Variants in TPST1 observed in about 807,000 individuals in gnomAD.
TPST1 encodes tyrosylprotein sulfotransferase 1, also known as protein-tyrosine sulfotransferase 1.
A neutral mutation model predicts 34.8 loss-of-function variants in TPST1; 20 were observed. The observed-to-expected ratio is 0.57, with a 90% confidence interval of 0.40 to 0.84. The LOEUF is 0.84. Among genes scored for constraint, TPST1 ranks in the 40% least tolerant of loss-of-function variants. TPST1 has a pLI of 0.00. For synonymous variants in TPST1, 152 were observed against 159.4 expected (o/e 0.95, Z 0.35); for missense variants, 353 against 455.5 (o/e 0.78, Z 2.05).
chr7:66,293,662 C>T (rs942664106), intron 3 of TPST1, among the ~76,000 whole-genome samples: 4 of 152,286 alleles, frequency 2.6e-5, no homozygotes, highest in African/African-American at 7.2e-5. Flanking sequence ...GATTTATTCT[C>T]AGCCAATTAC....
intron 1 of TPST1, among the ~76,000 whole-genome samples, chr7:66,217,083 A>T (rs896189737): frequency 1.3e-5 from 2 of 152,164 alleles, no homozygotes; most frequent in Non-Finnish European, 2.9e-5. Flanking sequence ...TGGTTTAAAT[A>T]TATTGGGACT....
At chr7:66,294,943 C>T (rs973443856) in intron 3 of TPST1, among the ~76,000 whole-genome samples, 3 of 152,044 alleles carry the variant, frequency 2.0e-5, no homozygotes, top group African/African-American at 7.2e-5. Context: ...TAGAAGCCAC[C>T]TTAAATTCTT....
intron 2 of TPST1, among the ~76,000 whole-genome samples, chr7:66,255,740 CAA>C (rs1790370822): frequency 6.6e-6 from 1 of 151,968 alleles, no homozygotes; most frequent in African/African-American, 2.4e-5. Context: ...GCTGATAGTG[CAA>C]AAGAGTTGAA....
intron 2 of TPST1, among the ~76,000 whole-genome samples, chr7:66,276,584 C>T (rs1374547950): frequency 5.3e-5 from 8 of 151,576 alleles, no homozygotes; most frequent in Admixed American, 5.3e-4. Flanking sequence ...GCTTTTAAAT[C>T]TTTGAAGGCA....
At position 66,240,530 on chromosome 7, in the gene TPST1, A is replaced by G. The variant is rs1305040001; in HGVS notation, c.105A>G (p.Ile35Met). The G allele has an allele frequency of 1.9e-6, 3 of 1,614,108 alleles. No homozygotes were observed. In the African/African-American group the frequency reaches 4.0e-5, roughly 22 times the overall value. ...ATGCCATGGAATGCCATCACCGGAT[A>G]GAGGAACGTAGCCAGCCAGTCAAAT... ...GQHAMECHHR[I>M]EERSQPVKLE... Residue 35 changes from isoleucine to methionine, a missense_variant, in exon 2 of 6, where the codon ATA becomes ATG. Coordinates refer to ENST00000304842, the MANE Select transcript of TPST1 (RefSeq NM_003596.4).
chr7:66,286,858 ATTTTT>A (rs1227884756), intron 3 of TPST1, 149 bp downstream of exon 3: 1 of 380,508 alleles, frequency 2.6e-6, no homozygotes, highest in African/African-American at 3.3e-5. Context: ...ATTTTATTTT[ATTTTT>A]TTTATTATAC....
chr7:66,238,177 CT>C (rs564134111), intron 1 of TPST1, among the ~76,000 whole-genome samples: 83 of 152,272 alleles, frequency 5.5e-4, no homozygotes, highest in African/African-American at 1.9e-3. Flanking sequence ...TTACCCTTAT[CT>C]TATCTCCTGC....
chr7:66,315,823 A>T (rs1791621328), intron 3 of TPST1, among the ~76,000 whole-genome samples: 1 of 152,130 alleles, frequency 6.6e-6, no homozygotes, highest in Non-Finnish European at 1.5e-5. Flanking sequence ...AAGAAAAAAA[A>T]ATTCGGGCCA....
chr7:66,282,337 A>G (rs1369956250), intron 2 of TPST1, among the ~76,000 whole-genome samples: 1 of 152,192 alleles, frequency 6.6e-6, no homozygotes, highest in East Asian at 1.9e-4. Flanking sequence ...TGCAGGCCAT[A>G]TGATTTCTGT....
intron 2 of TPST1, among the ~76,000 whole-genome samples, chr7:66,277,525 A>G (rs1053910867): frequency 6.6e-6 from 1 of 151,948 alleles, no homozygotes; most frequent in African/African-American, 2.4e-5. Context: ...TAGTTTTGTT[A>G]TTGGATTACT....
chr7:66,232,028 C>A (rs1789808078), intron 1 of TPST1, among the ~76,000 whole-genome samples: 1 of 152,108 alleles, frequency 6.6e-6, no homozygotes, highest in Non-Finnish European at 1.5e-5. Flanking sequence ...TTTGTTTATC[C>A]ATTTATCAAT....
chr7:66,352,433 G>C, intron 3 of TPST1, 72 bp from the exon 4 acceptor site: 1 of 1,571,322 alleles, frequency 6.4e-7, no homozygotes, highest in Non-Finnish European at 8.6e-7. Context: ...CCACGGTCAG[G>C]CATGGCACAT....
At chr7:66,322,049 G>A (rs1562843999) in intron 3 of TPST1, among the ~76,000 whole-genome samples, 1 of 152,042 alleles carries the variant, frequency 6.6e-6, no homozygotes, top group African/African-American at 2.4e-5. Flanking sequence ...GCTGTCTTTT[G>A]AAAAATAGAA....
chr7:66,226,126 A>G (rs982448954), intron 1 of TPST1, among the ~76,000 whole-genome samples: 1 of 151,920 alleles, frequency 6.6e-6, no homozygotes, highest in Non-Finnish European at 1.5e-5. Flanking sequence ...TGACCTCGTG[A>G]TCCGCCCGCC....
At chr7:66,225,386 C>T (rs1305497831) in intron 1 of TPST1, among the ~76,000 whole-genome samples, 2 of 150,940 alleles carry the variant, frequency 1.3e-5, no homozygotes, top group East Asian at 2.0e-4. Context: ...CTGAGGCGGG[C>T]GGATCACCTG....
intron 4 of TPST1, among the ~76,000 whole-genome samples, chr7:66,353,755 G>A (rs1248914626): frequency 1.3e-5 from 2 of 152,204 alleles, no homozygotes; most frequent in African/African-American, 2.4e-5. Flanking sequence ...TCAATAGGAA[G>A]AGGAGACTCA....
At chr7:66,276,293 CT>C (rs577530007) in intron 2 of TPST1, among the ~76,000 whole-genome samples, 231 of 146,054 alleles carry the variant, frequency 1.6e-3, no homozygotes, top group African/African-American at 5.6e-3. Flanking sequence ...TCATTAAAGA[CT>C]TTTTTTGCCT....
At chr7:66,235,455 A>C (rs1262076356) in intron 1 of TPST1, among the ~76,000 whole-genome samples, 2 of 152,204 alleles carry the variant, frequency 1.3e-5, no homozygotes, top group Non-Finnish European at 2.9e-5. Flanking sequence ...CTATGTGCTC[A>C]AACATATATT....
intron 1 of TPST1, among the ~76,000 whole-genome samples, chr7:66,227,997 G>C (rs1216601871): frequency 6.6e-6 from 1 of 152,152 alleles, no homozygotes; most frequent in Non-Finnish European, 1.5e-5. Flanking sequence ...CCTTTCAGTA[G>C]AGTACTATGC....
Sources: allele counts gnomAD v4.1 joint callset (sites outside exome capture counted in the v4.1 genomes callset), GRCh38; gene constraint gnomAD v4.1.1; transcripts MANE v1.5; gene names NCBI Gene and HGNC (gene_info 2026-07-23, HGNC 2026-07-21).